The following ATF7IP variants were observed in gnomAD, a reference collection of about 807,000 sequenced individuals.
ATF7IP encodes the protein activating transcription factor 7 interacting protein, also known as activating transcription factor 7-interacting protein 1.
In ATF7IP, 23 loss-of-function variants were observed where a neutral mutation model predicts 106.4. That is an observed-to-expected ratio of 0.22 (90% confidence interval 0.16 to 0.31). The LOEUF is 0.31. ATF7IP is among the 10% of genes least tolerant of loss of function. The pLI is 1.00. For synonymous variants in ATF7IP, 542 were observed against 539.0 expected, an observed-to-expected ratio of 1.01 and a Z score of -0.08; for missense variants, 1,334 against 1,524.3, an observed-to-expected ratio of 0.88 and a Z score of 2.08.
intron 1 of ATF7IP, among the ~76,000 whole-genome samples, chr12:14,384,508 TG>T (rs1939128519): frequency 6.6e-6 from 1 of 152,194 alleles, no homozygotes; most frequent in Non-Finnish European, 1.5e-5. Context: ...ATCAAAAAGT[TG>T]GGAGGTCTTT....
chr12:14,449,723 A>C (rs1050087157), intron 6 of ATF7IP, among the ~76,000 whole-genome samples: 8 of 151,934 alleles, frequency 5.3e-5, no homozygotes, highest in Admixed American at 1.3e-4. Flanking sequence ...CTGGAAAAAA[A>C]AAACAAACCC....
chr12:14,454,396 C>T (rs1217299754), intron 6 of ATF7IP, among the ~76,000 whole-genome samples: 1 of 152,178 alleles, frequency 6.6e-6, no homozygotes, highest in Admixed American at 6.5e-5. Context: ...CTCTGAGGCT[C>T]ACAGGCATCC....
Position 14,500,299 on chromosome 12 carries a change from C to G in ATF7IP, c.*2226C>G, listed in dbSNP as rs1158587440. 1.3e-5 allele frequency: 2 copies of G among 152,138 alleles called. No individual in the cohort carries two copies. Among genetic ancestry groups the G allele is most frequent in the Non-Finnish European group, 2.9e-5 (2 of 68,024 alleles). The allele number at this position is 152,138 out of a possible 1,614,324, so 9.4% of individuals were successfully genotyped here. A position where few individuals can be genotyped will look rare whatever the true frequency, so the allele number is the denominator to read the frequency against. Reference sequence around the variant, plus strand: ...GTATACTGAGGTGTGAGATTTGATTCATGATGAAGAAAGCCTATAGATTGC... The same window carrying G: ...GTATACTGAGGTGTGAGATTTGATTGATGATGAAGAAAGCCTATAGATTGC... On this transcript the variant is annotated 3_prime_UTR_variant, in exon 15 of 15. Coordinates refer to ENST00000261168, the MANE Select transcript of ATF7IP (RefSeq NM_018179.5).
At chr12:14,373,377 G>A (rs1368295032) in intron 1 of ATF7IP, among the ~76,000 whole-genome samples, 2 of 152,120 alleles carry the variant, frequency 1.3e-5, no homozygotes, top group Non-Finnish European at 2.9e-5. Flanking sequence ...CTTAACATAT[G>A]GCTTCCATCA....
At chr12:14,493,192 A>T (rs1368491361) in intron 13 of ATF7IP, among the ~76,000 whole-genome samples, 1 of 152,186 alleles carries the variant, frequency 6.6e-6, no homozygotes. Flanking sequence ...AAATCAAGAA[A>T]TTCAGCCTGA....
At chr12:14,410,134 G>T (rs1367701397) in intron 1 of ATF7IP, among the ~76,000 whole-genome samples, 2 of 152,120 alleles carry the variant, frequency 1.3e-5, no homozygotes, top group Non-Finnish European at 2.9e-5. Flanking sequence ...TGTCTGTATA[G>T]ATATAGATTT....
chr12:14,443,572 A>AT (rs1942811691), intron 5 of ATF7IP, among the ~76,000 whole-genome samples: 2 of 152,190 alleles, frequency 1.3e-5, no homozygotes, highest in Non-Finnish European at 1.5e-5. Flanking sequence ...CAGGAGGTAA[A>AT]TACCTTGAAT....
chr12:14,440,543 T>C (rs1475336720), intron 5 of ATF7IP, among the ~76,000 whole-genome samples: 2 of 152,256 alleles, frequency 1.3e-5, no homozygotes, highest in East Asian at 1.9e-4. Context: ...TTGTTTCCCC[T>C]GTTCACTCAC....
chr12:14,473,413 T>C (rs1019862710), intron 10 of ATF7IP, among the ~76,000 whole-genome samples: 7 of 151,954 alleles, frequency 4.6e-5, no homozygotes, highest in African/African-American at 1.7e-4. Context: ...TTTACCTCCT[T>C]AATGAAGTTG....
intron 1 of ATF7IP, among the ~76,000 whole-genome samples, chr12:14,414,460 T>A (rs936874091): frequency 1.3e-5 from 2 of 152,234 alleles, no homozygotes; most frequent in African/African-American, 4.8e-5. Flanking sequence ...CTTAAAACAT[T>A]ATGAAATTTT....
At chr12:14,481,281 T>C in intron 13 of ATF7IP, 96 bp downstream of exon 13, 3 of 1,157,846 alleles carry the variant, frequency 2.6e-6, no homozygotes, top group South Asian at 2.8e-5. Flanking sequence ...TTTGCAAAAA[T>C]TTCTTATAAT....
At chr12:14,457,072 G>A (rs1943456154) in intron 7 of ATF7IP, 135 bp from the exon 8 acceptor site, 1 of 700,938 alleles carries the variant, frequency 1.4e-6, no homozygotes, top group Non-Finnish European at 2.5e-6. Context: ...CACTGTTTTT[G>A]CTTGCAGTTT....
intron 13 of ATF7IP, among the ~76,000 whole-genome samples, chr12:14,493,123 A>T (rs1361988406): frequency 6.6e-6 from 1 of 151,210 alleles, no homozygotes; most frequent in African/African-American, 2.5e-5. Flanking sequence ...AACCTACTAG[A>T]ACCTTTTTTA....
chr12:14,391,641 A>G (rs896752339), intron 1 of ATF7IP, among the ~76,000 whole-genome samples: 1 of 152,232 alleles, frequency 6.6e-6, no homozygotes, highest in African/African-American at 2.4e-5. Context: ...GTTATAGGTT[A>G]TATGAAAAAT....
chr12:14,478,541 G>A, intron 12 of ATF7IP, 69 bp downstream of exon 12: 2 of 1,541,602 alleles, frequency 1.3e-6, no homozygotes, highest in Non-Finnish European at 1.8e-6. Flanking sequence ...ATGGAGTTAA[G>A]TGGAAAGATA....
chr12:14,439,627 T>TA (rs1380284021), intron 5 of ATF7IP, among the ~76,000 whole-genome samples: 1 of 152,166 alleles, frequency 6.6e-6, no homozygotes, highest in Non-Finnish European at 1.5e-5. Flanking sequence ...GTCTAGCAGT[T>TA]AGAGACCAGC....
At chr12:14,447,849 T>A (rs1943045986) in intron 6 of ATF7IP, among the ~76,000 whole-genome samples, 1 of 152,186 alleles carries the variant, frequency 6.6e-6, no homozygotes, top group African/African-American at 2.4e-5. Context: ...ACTTAAACAG[T>A]TTGAATATTT....
chr12:14,388,010 CTTTCT>C (rs1342780242), intron 1 of ATF7IP, among the ~76,000 whole-genome samples: 2 of 134,380 alleles, frequency 1.5e-5, no homozygotes, highest in African/African-American at 5.9e-5. Context: ...TCCTTTCATT[CTTTCT>C]TTTTTTTTTT....
In ATF7IP at chr12:14,447,005, A is replaced by G. The variant is rs536040153; in HGVS notation, c.1947A>G (p.Leu649=). 2 of 1,553,822 alleles carry G rather than the reference A, an allele frequency of 1.3e-6. No individual in the cohort carries two copies. The highest frequency in any genetic ancestry group is 2.5e-5 in the South Asian group (2 of 81,334). ...TTTTTCAGGCCAAGATAGCCAGGTTAACCAAACGCTTTGAAGCAGCCAAAG... is the reference window on the plus strand; with the variant it reads ...TTTTTCAGGCCAAGATAGCCAGGTTGACCAAACGCTTTGAAGCAGCCAAAG... ...LTELQAKIAR[L]TKRFEAAKED... The change falls in exon 6 of 15, where the codon TTA becomes TTG. Residue 649 remains leucine, a synonymous_variant. Coordinates refer to ENST00000261168, the MANE Select transcript of ATF7IP (RefSeq NM_018179.5).
Sources: allele counts gnomAD v4.1 joint callset (sites outside exome capture counted in the v4.1 genomes callset), GRCh38; gene constraint gnomAD v4.1.1; transcripts MANE v1.5; gene names NCBI Gene and HGNC (gene_info 2026-07-23, HGNC 2026-07-21).